AGBL1: variants seen among roughly 807,000 people sequenced by gnomAD.
The protein encoded by AGBL1 is AGBL carboxypeptidase 1.
A neutral mutation model predicts 118.9 loss-of-function variants in AGBL1; 130 were observed. The observed-to-expected ratio is 1.09, with a 90% CI of 0.95 to 1.26. The LOEUF is 1.26. AGBL1 is among the 50% of genes most tolerant of loss of function. The probability of loss-of-function intolerance (pLI) is 0.00; values close to 1 mark genes in which losing one functional copy is unlikely to be tolerated. For synonymous variants in AGBL1, 555 were observed against 478.9 expected, an observed-to-expected ratio of 1.16 and a Z score of -2.08; for missense variants, 1,584 against 1,298.1, an observed-to-expected ratio of 1.22 and a Z score of -3.38.
rs372406170 is a variant in AGBL1, at chr15:86,221,766, A to C, written c.489-3148A>C. 1.5e-3 allele frequency among the ~76,000 whole-genome samples: 226 copies of C among 151,892 alleles called. 3 individuals carry two copies. In the South Asian group the frequency reaches 0.045, roughly 30 times the overall value. On this transcript the variant is annotated intron_variant, in intron 5 of 22. Transcript: ENST00000614907. Reference sequence around the variant, plus strand: ...ATATTTACAAACTTTTTTTTTTTTAAGGAAAGCACTTATATCACATTCCCA... The same window carrying C: ...ATATTTACAAACTTTTTTTTTTTTACGGAAAGCACTTATATCACATTCCCA...
intron 22 of AGBL1, among the ~76,000 whole-genome samples, chr15:86,737,229 T>C (rs190516715): frequency 1.3e-3 from 201 of 152,208 alleles, no homozygotes; most frequent in Middle Eastern, 3.4e-3. Context: ...GGGGAAGTAG[T>C]AGGGCCTGGA....
At chr15:86,958,959 T>G (rs753953091) in intron 23 of AGBL1, among the ~76,000 whole-genome samples, 2 of 152,118 alleles carry the variant, frequency 1.3e-5, no homozygotes, top group African/African-American at 2.4e-5. Context: ...AGGTACCATA[T>G]ATTTGAAATG....
In AGBL1 at chr15:86,419,145, G is replaced by A. The variant is rs142491936; in HGVS notation, c.2555+21599G>A. Among the ~76,000 whole-genome samples the A allele has an allele frequency of 3.2e-3, 484 of 151,708 alleles. 1 individual carries two copies. Among genetic ancestry groups the A allele is most frequent in the African/African-American group, 0.011 (452 of 41,352 alleles). On this transcript the variant is annotated intron_variant, in intron 18 of 22. Coordinates refer to ENST00000614907, the MANE Select transcript of AGBL1 (RefSeq NM_001386094.1). ...TGTGGTAAGCTTTCAGGGGTTAAACGGCAAAATTTGGGGGGTGGCTGGCAA... is the reference window on the plus strand; with the variant it reads ...TGTGGTAAGCTTTCAGGGGTTAAACAGCAAAATTTGGGGGGTGGCTGGCAA...
intron 21 of AGBL1, among the ~76,000 whole-genome samples, chr15:86,621,501 A>G (rs1467181060): frequency 6.6e-6 from 1 of 152,112 alleles, no homozygotes; most frequent in Non-Finnish European, 1.5e-5. Context: ...GCAACACTTC[A>G]ATCTCTGCCT....
chr15:86,172,309 T>C (rs779633508), intron 5 of AGBL1, among the ~76,000 whole-genome samples: 1 of 152,246 alleles, frequency 6.6e-6, no homozygotes, highest in South Asian at 2.1e-4. Flanking sequence ...TGTGTAATGA[T>C]AAAATCAGAG....
intron 20 of AGBL1, among the ~76,000 whole-genome samples, chr15:86,551,520 T>C (rs941714409): frequency 2.0e-5 from 3 of 152,116 alleles, no homozygotes; most frequent in Non-Finnish European, 4.4e-5. Flanking sequence ...ACATGGACAA[T>C]CTGATGAGGT....
intron 22 of AGBL1, among the ~76,000 whole-genome samples, chr15:86,745,659 C>T (rs373647455): frequency 6.6e-6 from 1 of 152,054 alleles, no homozygotes; most frequent in Non-Finnish European, 1.5e-5. Context: ...CCGATTTTAT[C>T]TGTGAAGAAA....
At chr15:86,899,929 G>A (rs1473057511) in intron 22 of AGBL1, among the ~76,000 whole-genome samples, 1 of 152,134 alleles carries the variant, frequency 6.6e-6, no homozygotes, top group African/African-American at 2.4e-5. Flanking sequence ...ATCTGGGTGG[G>A]CACCATCTAA....
intron 21 of AGBL1, among the ~76,000 whole-genome samples, chr15:86,621,624 A>C (rs1299184330): frequency 6.6e-6 from 1 of 152,202 alleles, no homozygotes; most frequent in Admixed American, 6.5e-5. Flanking sequence ...TGAGATCCTT[A>C]ATTACATCTG....
intron 1 of AGBL1, among the ~76,000 whole-genome samples, chr15:86,099,665 A>G (rs1597391009): frequency 6.6e-6 from 1 of 151,062 alleles, no homozygotes; most frequent in Non-Finnish European, 1.5e-5. Flanking sequence ...TCAGCATCCC[A>G]CATGAGGCTA....
chr15:86,919,681 G>T (rs183224671), downstream of AGBL1, among the ~76,000 whole-genome samples: 1 of 151,994 alleles, frequency 6.6e-6, no homozygotes, highest in Non-Finnish European at 1.5e-5. Flanking sequence ...ACACTAATTT[G>T]GTGCCTGTTG....
chr15:86,978,070 C>G (rs769142304), intron 23 of AGBL1, among the ~76,000 whole-genome samples: 1 of 152,078 alleles, frequency 6.6e-6, no homozygotes, highest in Non-Finnish European at 1.5e-5. Context: ...TAAACTAATG[C>G]TTACTTTTCT....
chr15:86,557,710 G>A (rs559757338), intron 21 of AGBL1, among the ~76,000 whole-genome samples: 31 of 152,164 alleles, frequency 2.0e-4, no homozygotes, highest in South Asian at 1.0e-3. Flanking sequence ...CCTCATCATC[G>A]TGGTGAGTAA....
intron 18 of AGBL1, among the ~76,000 whole-genome samples, chr15:86,512,059 A>T (rs1596207682): frequency 6.6e-6 from 1 of 152,042 alleles, no homozygotes; most frequent in East Asian, 1.9e-4. Context: ...AATTCATGTG[A>T]ATATACGTTT....
chr15:86,748,713 C>T (rs2077797888), intron 22 of AGBL1, among the ~76,000 whole-genome samples: 1 of 151,704 alleles, frequency 6.6e-6, no homozygotes, highest in East Asian at 1.9e-4. Context: ...TATCCAGTTT[C>T]AGCTTTCTAC....
chr15:86,401,226 T>C (rs1323111323), intron 18 of AGBL1, among the ~76,000 whole-genome samples: 1 of 152,212 alleles, frequency 6.6e-6, no homozygotes, highest in Admixed American at 6.5e-5. Flanking sequence ...TGAGCATTTT[T>C]TTCATATGTT....
At chr15:86,552,455 G>A (rs74025190) in intron 20 of AGBL1, among the ~76,000 whole-genome samples, 1 of 152,174 alleles carries the variant, frequency 6.6e-6, no homozygotes, top group Non-Finnish European at 1.5e-5. Context: ...AAAGCTATTT[G>A]CCAGTATTAT....
At chr15:86,951,757 A>G (rs938565302) in intron 23 of AGBL1, among the ~76,000 whole-genome samples, 1 of 152,134 alleles carries the variant, frequency 6.6e-6, no homozygotes, top group Non-Finnish European at 1.5e-5. Flanking sequence ...GATTTGGGCA[A>G]TTTTTATTTA....
At chr15:86,760,671 C>T (rs557513693) in intron 22 of AGBL1, among the ~76,000 whole-genome samples, 1 of 152,186 alleles carries the variant, frequency 6.6e-6, no homozygotes, top group Admixed American at 6.5e-5. Context: ...AAAGAAATAA[C>T]TTGGTTCCCA....
Sources: allele counts gnomAD v4.1 joint callset (sites outside exome capture counted in the v4.1 genomes callset), GRCh38; gene constraint gnomAD v4.1.1; transcripts MANE v1.5; gene names NCBI Gene and HGNC (gene_info 2026-07-23, HGNC 2026-07-21).